The following CEP350 variants were observed in gnomAD, a reference collection of about 807,000 sequenced individuals.
CEP350 encodes centrosome-associated protein 350.
CEP350 carries 126 observed loss-of-function variants against 331.8 expected under a neutral mutation model. The ratio of observed to expected loss-of-function variants is 0.38; its 90% CI spans 0.33 to 0.44. CEP350 has a LOEUF of 0.44. Ranked by LOEUF, CEP350 falls within the 20% of genes least tolerant of loss-of-function variation. CEP350 has a pLI of 1.00. For missense variants in CEP350, 3,406 were observed against 3,634.6 expected, an observed-to-expected ratio of 0.94 and a Z score of 1.62; for synonymous variants, 1,200 against 1,259.5, an observed-to-expected ratio of 0.95 and a Z score of 1.00.
chr1:179,967,572 C>G (rs1034840824), intron 1 of CEP350, among the ~76,000 whole-genome samples: 3 of 152,018 alleles, frequency 2.0e-5, no homozygotes, highest in Non-Finnish European at 4.4e-5. Context: ...CCACCACGTC[C>G]AGCCAATTTT....
rs971054529 is a variant in CEP350, at chr1:180,084,053, A to G, written c.6160A>G (p.Ile2054Val). The G allele has an allele frequency of 3.1e-6, 5 of 1,599,626 alleles. No individual in the cohort carries two copies. The highest frequency in any genetic ancestry group is 4.3e-6 in the Non-Finnish European group (5 of 1,171,346). ...TSDQSDIEGR[I>V]RALKDELRKR... ...TGACCAGAGTGATATTGAAGGTAGG[A>G]TCAGAGCTCTGAAGGATGAGTTGCG... The change falls in exon 31 of 38, where the codon ATC becomes GTC. Residue 2054 changes from isoleucine (I) to valine (V), a missense_variant. Physicochemically the swap from Ile to Val is conservative, Grantham distance 29. Transcript: ENST00000367607.
chr1:180,060,069 A>G (rs915448189), intron 25 of CEP350, among the ~76,000 whole-genome samples: 3 of 152,230 alleles, frequency 2.0e-5, no homozygotes, highest in Non-Finnish European at 4.4e-5. Context: ...TTTGGAAAAT[A>G]TAGTTACTTT....
At chr1:180,040,142 C>A (rs575784599) in intron 17 of CEP350, among the ~76,000 whole-genome samples, 1 of 151,912 alleles carries the variant, frequency 6.6e-6, no homozygotes, top group Non-Finnish European at 1.5e-5. Context: ...CTGCCCTCCC[C>A]CCGCCACTGC....
At position 180,078,486 on chromosome 1, in the gene CEP350, C is replaced by T; in HGVS notation, c.5791C>T (p.Pro1931Ser). The T allele has an allele frequency of 6.2e-7, 1 of 1,612,738 alleles. No homozygotes were observed. The highest frequency in any genetic ancestry group is 8.5e-7 in the Non-Finnish European group (1 of 1,179,336). The change falls in exon 29 of 38, where the codon CCA (proline) becomes TCA (serine). Residue 1931 changes from proline (P) to serine (S), a missense_variant. Physicochemically the swap from Pro to Ser is moderately conservative, Grantham distance 74. Transcript: ENST00000367607. The part of the protein sequence containing the change: ...QKEIASEEES[P>S]VPLYSHLNSE... The stretch of plus-strand genomic sequence containing the variant: ...AGAAATAGCAAGTGAAGAGGAATCT[C>T]CAGTACCTCTGTACTCTCATCTAAA...
At chr1:179,994,390 A>G (rs1384778054) in intron 5 of CEP350, among the ~76,000 whole-genome samples, 1 of 151,308 alleles carries the variant, frequency 6.6e-6, no homozygotes, top group African/African-American at 2.4e-5. Flanking sequence ...TCGGTCTCTG[A>G]TGGTAGCTAC....
chr1:180,092,617 C>A lies in CEP350; in HGVS notation c.6512C>A (p.Ala2171Asp). Residue 2171 changes from alanine to aspartate, a missense_variant, in exon 34 of 38, where the codon GCT becomes GAT. By Grantham distance (126) the Ala-to-Asp change is moderately radical. This residue lies in a region of CEP350 where 1,415 missense variants were observed against 1,512.3 expected (regional missense o/e 0.94). Transcript: ENST00000367607. ...SLESIAEHVD[A>D]SLSGSERSVS... ...GGTGATTTGTTTTTTCTTTAAGATG[C>A]TTCACTGTCTGGTTCTGAGAGATCA... 6.6e-7 allele frequency: 1 copy of A among 1,510,558 alleles called. No homozygotes were observed. The highest frequency in any genetic ancestry group is 8.9e-7 in the Non-Finnish European group (1 of 1,126,778). The allele number at this position is 1,510,558 out of a possible 1,614,324, so 93.6% of individuals were successfully genotyped here. A position where few individuals can be genotyped will look rare whatever the true frequency, so the allele number is the denominator to read the frequency against.
chr1:180,041,371 C>CCTT, intron 18 of CEP350, 123 bp downstream of exon 18: 1 of 726,614 alleles, frequency 1.4e-6, no homozygotes. Context: ...AGTTTTAGTA[C>CCTT]TTTTTATGGG....
intron 1 of CEP350, among the ~76,000 whole-genome samples, chr1:179,985,194 T>A (rs1020152526): frequency 6.6e-6 from 1 of 152,168 alleles, no homozygotes; most frequent in Non-Finnish European, 1.5e-5. Context: ...ACCATTCTAC[T>A]TTCTGTCTCT....
intron 27 of CEP350, among the ~76,000 whole-genome samples, chr1:180,072,581 A>G (rs1182770197): frequency 2.0e-5 from 3 of 152,194 alleles, no homozygotes; most frequent in African/African-American, 7.2e-5. Flanking sequence ...GAAATTTAGC[A>G]AAACTGTTTT....
intron 32 of CEP350, among the ~76,000 whole-genome samples, chr1:180,089,290 A>G (rs943981276): frequency 3.9e-5 from 6 of 152,186 alleles, no homozygotes; most frequent in African/African-American, 1.4e-4. Context: ...GTGAAGGATT[A>G]AAAAGTAGAC....
At chr1:180,097,494 G>T (rs1660549545) in intron 36 of CEP350, among the ~76,000 whole-genome samples, 1 of 152,186 alleles carries the variant, frequency 6.6e-6, no homozygotes, top group Admixed American at 6.5e-5. Flanking sequence ...GGTACTTTGA[G>T]AATCTTTCCA....
At chr1:179,985,987 A>G (rs534878245) in intron 1 of CEP350, among the ~76,000 whole-genome samples, 182 bp from the exon 2 acceptor site, 29 of 152,230 alleles carry the variant, frequency 1.9e-4, no homozygotes, top group African/African-American at 7.0e-4. Context: ...AACAGCACAC[A>G]CGGGTTCTAG....
chr1:180,090,858 C>A, intron 33 of CEP350, 62 bp downstream of exon 33: 2 of 1,302,982 alleles, frequency 1.5e-6, no homozygotes, highest in South Asian at 2.0e-5. Context: ...ATGCAAAGGC[C>A]TACAAAATTC....
Position 180,111,523 on chromosome 1 carries a change from A to G in CEP350, c.*362A>G, listed in dbSNP as rs1661466103. The G allele has an allele frequency of 5.7e-6, 1 of 174,414 alleles. No individual in the cohort carries two copies. The highest frequency in any genetic ancestry group is 2.4e-5 in the African/African-American group (1 of 42,242). The allele number at this position is 174,414 out of a possible 1,614,324, so 10.8% of individuals were successfully genotyped here. A position where few individuals can be genotyped will look rare whatever the true frequency, so the allele number is the denominator to read the frequency against. On this transcript the variant is annotated 3_prime_UTR_variant, in exon 38 of 38. Transcript: ENST00000367607. ...AGTCAAGTGAGAGAGGTATAGATAA[A>G]TGCATCACATCACTTTTGAAATGTA...
intron 4 of CEP350, among the ~76,000 whole-genome samples, chr1:179,991,770 TCTC>T (rs1653116874): frequency 6.6e-6 from 1 of 150,584 alleles, no homozygotes; most frequent in Admixed American, 6.6e-5. Context: ...ATATGATACT[TCTC>T]TCTTAAGTGA....
At position 180,024,548 on chromosome 1, in the gene CEP350, T is replaced by G. The variant is rs1247828768; in HGVS notation, c.3516T>G (p.Ser1172=). The G allele has an allele frequency of 2.5e-6, 4 of 1,612,544 alleles. No individual in the cohort carries two copies. The African/African-American group carries it at 5.3e-5, about 22-fold the overall frequency. The stretch of plus-strand genomic sequence containing the variant: ...CATCGTCTCGTTCATCTACTTCTTC[T>G]AAAGGAAAGAAAGGAAAAAAGGAAA... ...SAASSRSSTS[S]KGKKGKKEKT... The change falls in exon 14 of 38, where the codon TCT becomes TCG. Residue 1172 remains serine, a synonymous_variant. Transcript: ENST00000367607.
chr1:179,984,552 A>G (rs1652515998), intron 1 of CEP350, among the ~76,000 whole-genome samples: 1 of 152,228 alleles, frequency 6.6e-6, no homozygotes, highest in Admixed American at 6.5e-5. Flanking sequence ...AATGCGTTTT[A>G]TAGCCTAGTC....
At chr1:180,097,488 C>T (rs1242157558) in intron 36 of CEP350, among the ~76,000 whole-genome samples, 3 of 152,168 alleles carry the variant, frequency 2.0e-5, no homozygotes, top group African/African-American at 7.2e-5. Flanking sequence ...CACGTTGGTA[C>T]TTTGAGAATC....
intron 23 of CEP350, 140 bp from the exon 24 acceptor site, chr1:180,053,610 C>T: frequency 2.0e-6 from 1 of 505,584 alleles, no homozygotes; most frequent in Non-Finnish European, 3.5e-6. Context: ...CCTCATGTGC[C>T]TTTTTAAAGA....
Sources: allele counts gnomAD v4.1 joint callset (sites outside exome capture counted in the v4.1 genomes callset), GRCh38; gene constraint gnomAD v4.1.1; regional missense constraint gnomAD v4.1.1; transcripts MANE v1.5; gene names NCBI Gene and HGNC (gene_info 2026-07-23, HGNC 2026-07-21).